Variants in CUL3 observed in about 807,000 individuals in gnomAD.
CUL3 encodes cullin 3, also known as cullin-3.
CUL3 carries 19 observed loss-of-function variants against 89.1 expected under a neutral mutation model. The observed-to-expected ratio is 0.21, with a 90% confidence interval of 0.15 to 0.31. The LOEUF (loss-of-function observed/expected upper bound fraction) is 0.31. CUL3 is among the 10% of genes least tolerant of loss of function. The probability of loss-of-function intolerance (pLI) is 1.00; values close to 1 mark genes in which losing one functional copy is unlikely to be tolerated. For synonymous variants in CUL3, 351 were observed against 308.4 expected (o/e 1.14, Z -1.45); for missense variants, 469 against 942.3 (o/e 0.50, Z 6.58).
chr2:224,490,542 G>A (rs766984014), intron 13 of CUL3, among the ~76,000 whole-genome samples: 4 of 151,948 alleles, frequency 2.6e-5, no homozygotes, highest in Admixed American at 6.6e-5. Flanking sequence ...TTATCTCTTT[G>A]TCTTGTGTCT....
At chr2:224,582,447 A>G (rs1411001911) in intron 1 of CUL3, among the ~76,000 whole-genome samples, 1 of 152,214 alleles carries the variant, frequency 6.6e-6, no homozygotes, top group African/African-American at 2.4e-5. Flanking sequence ...ATCTGTAACA[A>G]AGGGCCATAA....
intron 6 of CUL3, among the ~76,000 whole-genome samples, chr2:224,508,861 C>T (rs1380302843): frequency 2.0e-5 from 3 of 149,120 alleles, no homozygotes; most frequent in Admixed American, 1.4e-4. Context: ...ACTCATGAGG[C>T]TGAGGCAGGA....
At chr2:224,565,144 G>A (rs1194861681) in intron 1 of CUL3, among the ~76,000 whole-genome samples, 1 of 151,978 alleles carries the variant, frequency 6.6e-6, no homozygotes, top group Non-Finnish European at 1.5e-5. Flanking sequence ...GCTTACTGTC[G>A]ACCCAAAGCT....
chr2:224,560,401 T>C (rs972518450), intron 1 of CUL3: 4 of 152,418 alleles, frequency 2.6e-5, no homozygotes, highest in Admixed American at 1.3e-4. Flanking sequence ...ACCTACTCAA[T>C]GTTTCCACTT....
chr2:224,516,306 CTTTT>C (rs1314525165), intron 3 of CUL3, among the ~76,000 whole-genome samples: 2 of 147,992 alleles, frequency 1.4e-5, no homozygotes, highest in Non-Finnish European at 3.0e-5. Context: ...CACGTCCCTC[CTTTT>C]TTGTTTGCTT....
intron 14 of CUL3, chr2:224,480,099 AGGTGGTGGT>A (rs71062931): frequency 0.36 from 54,661 of 151,328 alleles, 9,785 homozygotes; most frequent in East Asian, 0.39. Flanking sequence ...TGAGAAAGGC[AGGTGGTGGT>A]GGTGGTGGTG....
chr2:224,515,857 T>C (rs1693020076), intron 3 of CUL3, among the ~76,000 whole-genome samples: 1 of 152,130 alleles, frequency 6.6e-6, no homozygotes, highest in South Asian at 2.1e-4. Context: ...CATGCCTGGC[T>C]AATCTTTTTA....
chr2:224,539,428 T>C (rs905885971), intron 2 of CUL3, among the ~76,000 whole-genome samples: 3 of 152,200 alleles, frequency 2.0e-5, no homozygotes, highest in Non-Finnish European at 2.9e-5. Context: ...TCTTACCATA[T>C]AATCTGGCAA....
intron 14 of CUL3, chr2:224,478,960 C>T (rs1036640894): frequency 6.6e-6 from 1 of 152,232 alleles, no homozygotes; most frequent in African/African-American, 2.4e-5. Flanking sequence ...ATGTCACAAC[C>T]TCATCACAAA....
Position 224,585,348 on chromosome 2 carries a change from G to T in CUL3, c.-339C>A. 2 of 401,350 alleles carry T rather than the reference G, an allele frequency of 5.0e-6. No homozygotes were observed. Among genetic ancestry groups the T allele is most frequent in the Non-Finnish European group, 8.8e-6 (2 of 228,516 alleles). 24.9% of individuals were successfully genotyped at this position (401,350 alleles called of 1,614,324 possible). ...GACGGACAAACATCTCACTGCGCAGGCCGAACGTCGTCCTCCTCCTCCTCC... is the reference window on the plus strand; with the variant it reads ...GACGGACAAACATCTCACTGCGCAGTCCGAACGTCGTCCTCCTCCTCCTCC... On this transcript the variant is annotated 5_prime_UTR_variant, in exon 1 of 16. Coordinates refer to ENST00000264414, the MANE Select transcript of CUL3 (RefSeq NM_003590.5).
At chr2:224,511,145 T>C (rs1179081057) in intron 6 of CUL3, among the ~76,000 whole-genome samples, 1 of 152,158 alleles carries the variant, frequency 6.6e-6, no homozygotes, top group African/African-American at 2.4e-5. Context: ...AGACAGGAAA[T>C]GCTCAATTCA....
Position 224,505,488 on chromosome 2 carries a change from T to G in CUL3, c.1206+468A>C, listed in dbSNP as rs116586035. On this transcript the variant is annotated intron_variant, in intron 8 of 15. Transcript: ENST00000264414. ...TCTTGCTCTGTCGCCCAGCATAGAG[T>G]GCAGTCACGCGATCACAGCTCACTG... Among the ~76,000 whole-genome samples the G allele has an allele frequency of 9.6e-4, 146 of 152,204 alleles. No homozygotes were observed. In the South Asian group the frequency reaches 9.7e-3, roughly 10 times the overall value.
At chr2:224,557,254 TTTAG>T (rs1414834671) in intron 2 of CUL3, among the ~76,000 whole-genome samples, 4 of 152,128 alleles carry the variant, frequency 2.6e-5, no homozygotes, top group South Asian at 2.1e-4. Context: ...TAAAGTCAAT[TTTAG>T]TTAGTGATCC....
Position 224,473,533 on chromosome 2 carries a change from ACTTT to A in CUL3, c.*708_*711del, listed in dbSNP as rs1174852821. On this transcript the variant is annotated 3_prime_UTR_variant, in exon 16 of 16. Transcript: ENST00000264414. ...TTGTACAATTTACACATACTAAAATACTTTCTTTCTCTAGAAATAACTCAGAACA... is the reference window on the plus strand; with the variant it reads ...TTGTACAATTTACACATACTAAAATACTTTCTCTAGAAATAACTCAGAACA... 4.9e-5 allele frequency: 9 copies of A among 183,202 alleles called. No homozygotes were observed. The highest frequency in any genetic ancestry group is 6.2e-5 in the Admixed American group (1 of 16,014). The allele number at this position is 183,202 out of a possible 1,614,324, so 11.3% of individuals were successfully genotyped here.
intron 6 of CUL3, among the ~76,000 whole-genome samples, chr2:224,507,474 T>C (rs1041070329): frequency 3.3e-5 from 5 of 152,280 alleles, no homozygotes; most frequent in African/African-American, 4.8e-5. Context: ...TTAAGTCTTA[T>C]GGGTATTTCC....
chr2:224,526,585 C>CAAA (rs1166152595), intron 3 of CUL3, among the ~76,000 whole-genome samples: 20 of 26,152 alleles, frequency 7.6e-4, no homozygotes, highest in South Asian at 1.4e-3. Context: ...GACTCCGTCT[C>CAAA]AAAAAAAAAA....
chr2:224,479,115 T>G (rs1691434223), intron 14 of CUL3: 1 of 152,192 alleles, frequency 6.6e-6, no homozygotes, highest in African/African-American at 2.4e-5. Flanking sequence ...GGTGTTTTAT[T>G]CGTTCACCAA....
chr2:224,567,081 C>T (rs1695059831), intron 1 of CUL3, among the ~76,000 whole-genome samples: 1 of 152,148 alleles, frequency 6.6e-6, no homozygotes, highest in Admixed American at 6.6e-5. Context: ...GAATGGGTTC[C>T]ATCGTGTTAT....
intron 2 of CUL3, among the ~76,000 whole-genome samples, chr2:224,548,793 T>C (rs569503877): frequency 6.7e-6 from 1 of 148,516 alleles, no homozygotes; most frequent in Admixed American, 6.8e-5. Context: ...AGCCCTGGAG[T>C]TCGAGACCAG....
Sources: gnomAD v4.1 joint callset for allele counts (sites outside exome capture counted in the v4.1 genomes callset) on GRCh38, gnomAD v4.1.1 for gene constraint, MANE v1.5 for transcripts, NCBI Gene and HGNC (gene_info 2026-07-23, HGNC 2026-07-21) for gene names.